The following GPI variants were observed in gnomAD, a reference collection of about 807,000 sequenced individuals.
The protein encoded by GPI is D-hexose-6-phosphate anomerase.
GPI carries 56 observed loss-of-function variants against 75.8 expected under a neutral mutation model. That is an observed-to-expected ratio of 0.74 (90% CI 0.60 to 0.92). The LOEUF (loss-of-function observed/expected upper bound fraction) is 0.92, where lower values mean the gene tolerates loss of function less well. GPI is among the 40% of genes least tolerant of loss of function. The probability of loss-of-function intolerance (pLI) is 0.00; values close to 1 mark genes in which losing one functional copy is unlikely to be tolerated. For missense variants in GPI, 638 were observed against 741.0 expected (o/e 0.86, Z 1.61); for synonymous variants, 288 against 285.4 (o/e 1.01, Z -0.09).
At position 34,368,607 on chromosome 19, in the gene GPI, C is replaced by G; in HGVS notation, c.307C>G (p.Leu103Val). Residue 103 changes from leucine (L) to valine (V), a missense_variant, in exon 4 of 18, where the codon CTG (leucine) becomes GTG (valine). By Grantham distance (32) the Leu-to-Val change is conservative (BLOSUM62 1). Transcript: ENST00000356487. ...GGGTCGAGCCGTGCTGCACGTGGCT[C>G]TGCGGAACCGGTCAAACACACCCAT... ...TEGRAVLHVA[L>V]RNRSNTPILV... 1 of 1,614,180 alleles carries G rather than the reference C, an allele frequency of 6.2e-7. No individual in the cohort carries two copies. Among genetic ancestry groups the G allele is most frequent in the Non-Finnish European group, 8.5e-7 (1 of 1,180,008 alleles).
upstream of GPI, among the ~76,000 whole-genome samples, chr19:34,361,973 G>A (rs977618922): frequency 6.6e-6 from 1 of 152,050 alleles, no homozygotes; most frequent in African/African-American, 2.4e-5. Context: ...AAATTAGCTG[G>A]ACGTAGTGTT....
intron 9 of GPI, among the ~76,000 whole-genome samples, chr19:34,390,877 T>C (rs1480488076): frequency 6.7e-6 from 1 of 148,452 alleles, no homozygotes; most frequent in African/African-American, 2.5e-5. Context: ...TATCTGGGTC[T>C]TCCCGTGTCT....
intron 4 of GPI, among the ~76,000 whole-genome samples, chr19:34,375,679 G>A (rs1205507817): frequency 6.6e-6 from 1 of 152,194 alleles, no homozygotes; most frequent in East Asian, 1.9e-4. Context: ...TCGCTGCCGC[G>A]TGGGCTTCTT....
chr19:34,389,265 C>T (rs981215667), intron 9 of GPI, among the ~76,000 whole-genome samples: 1 of 152,108 alleles, frequency 6.6e-6, no homozygotes, highest in Non-Finnish European at 1.5e-5. Flanking sequence ...AGAAACCTCT[C>T]GGCCACACTG....
chr19:34,383,351 G>A (rs2074684435), intron 9 of GPI, among the ~76,000 whole-genome samples: 1 of 152,194 alleles, frequency 6.6e-6, no homozygotes, highest in Non-Finnish European at 1.5e-5. Context: ...GTTCTGTCAG[G>A]TGAAGTCTGA....
At chr19:34,366,643 T>G (rs1181906768) in intron 2 of GPI, 140 bp from the exon 3 acceptor site, 1 of 767,406 alleles carries the variant, frequency 1.3e-6, no homozygotes, top group Non-Finnish European at 2.4e-6. Flanking sequence ...GAGTAGACCC[T>G]TCCCAGACAG....
At chr19:34,377,229 G>A (rs1299528224) in intron 4 of GPI, among the ~76,000 whole-genome samples, 3 of 141,956 alleles carry the variant, frequency 2.1e-5, no homozygotes, top group Non-Finnish European at 4.5e-5. Context: ...GTGAACCTGG[G>A]AGGCAGAGAT....
chr19:34,379,152 G>T (rs1019260469), intron 7 of GPI, 147 bp downstream of exon 7: 2 of 754,278 alleles, frequency 2.7e-6, no homozygotes, highest in Non-Finnish European at 2.4e-6. Context: ...TAGATGAGAT[G>T]ATTGTTCATC....
At chr19:34,364,227 C>G (rs914385052), upstream of GPI, among the ~76,000 whole-genome samples, 7 of 151,954 alleles carry the variant, frequency 4.6e-5, no homozygotes, top group Non-Finnish European at 8.8e-5. Context: ...CAGTGTTTTG[C>G]TGTCTTGCCC....
At chr19:34,376,271 A>T (rs2074534462) in intron 4 of GPI, among the ~76,000 whole-genome samples, 2 of 152,170 alleles carry the variant, frequency 1.3e-5, no homozygotes, top group African/African-American at 4.8e-5. Context: ...AAAAAATAAA[A>T]TAGGCTTTGC....
intron 3 of GPI, among the ~76,000 whole-genome samples, chr19:34,367,709 G>T (rs753163417): frequency 6.6e-6 from 1 of 152,150 alleles, no homozygotes; most frequent in Non-Finnish European, 1.5e-5. Context: ...TGGGCCAGCC[G>T]CCTGGCACCC....
Position 34,400,061 on chromosome 19 carries a change from C to T in GPI, c.*25C>T. On this transcript the variant is annotated 3_prime_UTR_variant, in exon 18 of 18. Coordinates refer to ENST00000356487, the MANE Select transcript of GPI (RefSeq NM_000175.5). ...AACTCGTGCTCATCTGCAGCCTCCT[C>T]TGTGACTCCCCTTTCTCTTCTCGTC... The T allele has an allele frequency of 2.5e-6, 4 of 1,605,738 alleles. No homozygotes were observed. The highest frequency in any genetic ancestry group is 3.4e-6 in the Non-Finnish European group (4 of 1,178,942).
At chr19:34,385,360 CAAAA>C (rs58133757) in intron 9 of GPI, among the ~76,000 whole-genome samples, 2 of 95,118 alleles carry the variant, frequency 2.1e-5, no homozygotes, top group African/African-American at 3.6e-5. Flanking sequence ...AAACAAAAAA[CAAAA>C]AAAAAAAAAA....
chr19:34,368,505 A>G (rs1301503384), intron 3 of GPI, 78 bp from the exon 4 acceptor site: 3 of 1,534,052 alleles, frequency 2.0e-6, no homozygotes, highest in Non-Finnish European at 2.7e-6. Flanking sequence ...GGGCCGAGCT[A>G]TGGCACCATG....
rs1026506452 is a variant in GPI, at chr19:34,400,072, C to CT, written c.*39dup. ...ATCTGCAGCCTCCTCTGTGACTCCCCTTTCTCTTCTCGTCCCTCCTCCCCG... is the reference window on the plus strand; with the variant it reads ...ATCTGCAGCCTCCTCTGTGACTCCCCTTTTCTCTTCTCGTCCCTCCTCCCCG... On this transcript the variant is annotated 3_prime_UTR_variant, in exon 18 of 18. Transcript: ENST00000356487. The CT allele has an allele frequency of 1.9e-6, 3 of 1,600,790 alleles. No homozygotes were observed. The highest frequency in any genetic ancestry group is 1.3e-5 in the African/African-American group (1 of 74,792).
chr19:34,365,013 G>A (rs1441003538), upstream of GPI: 19 of 1,532,618 alleles, frequency 1.2e-5, no homozygotes, highest in Non-Finnish European at 1.4e-5. Flanking sequence ...AAGCGGCGGC[G>A]CAAGAGGTAG....
intron 6 of GPI, among the ~76,000 whole-genome samples, chr19:34,378,376 TTTA>T (rs1216474338): frequency 1.3e-5 from 2 of 151,890 alleles, no homozygotes; most frequent in Non-Finnish European, 2.9e-5. Flanking sequence ...TATTTATTTA[TTTA>T]TTATTATTAT....
intron 12 of GPI, among the ~76,000 whole-genome samples, chr19:34,396,042 G>A (rs1288241248): frequency 1.3e-5 from 2 of 150,742 alleles, no homozygotes; most frequent in Non-Finnish European, 2.9e-5. Flanking sequence ...GGGTTCAAGC[G>A]ATTCTCCTGC....
chr19:34,386,248 C>A (rs1448088534), intron 9 of GPI, among the ~76,000 whole-genome samples: 1 of 151,736 alleles, frequency 6.6e-6, no homozygotes, highest in Non-Finnish European at 1.5e-5. Context: ...GTAGAGATAG[C>A]CTTTCAGGTG....
Sources: gnomAD v4.1 joint callset for allele counts (sites outside exome capture counted in the v4.1 genomes callset) on GRCh38, gnomAD v4.1.1 for gene constraint, MANE v1.5 for transcripts, NCBI Gene and HGNC (gene_info 2026-07-23, HGNC 2026-07-21) for gene names.